RGS6: variants seen among roughly 807,000 people sequenced by gnomAD.
The protein encoded by RGS6 is regulator of G-protein signaling 6.
In RGS6, 30 loss-of-function variants were observed where a neutral mutation model predicts 78.5. The ratio of observed to expected loss-of-function variants is 0.38; its 90% CI spans 0.29 to 0.52. The LOEUF (loss-of-function observed/expected upper bound fraction) is 0.52. Among genes scored for constraint, RGS6 ranks in the 20% least tolerant of loss-of-function variants. The pLI is 0.85. For synonymous variants in RGS6, 206 were observed against 206.0 expected (o/e 1.00, Z 0.00); for missense variants, 495 against 609.7 (o/e 0.81, Z 1.98).
At chr14:72,372,717 G>A (rs879781363) in intron 3 of RGS6, among the ~76,000 whole-genome samples, 1 of 152,190 alleles carries the variant, frequency 6.6e-6, no homozygotes, top group African/African-American at 2.4e-5. Context: ...CAAATGAGGA[G>A]GGCTCCAGGG....
chr14:72,577,418 A>T, the RGS6 span, among the ~76,000 whole-genome samples: 1 of 152,186 alleles, frequency 6.6e-6, no homozygotes, highest in Non-Finnish European at 1.5e-5. Context: ...TCACCAGCTT[A>T]GTGCCGACCA....
intron 3 of RGS6, among the ~76,000 whole-genome samples, chr14:72,377,726 C>A (rs1375512053): frequency 6.6e-6 from 1 of 152,092 alleles, no homozygotes; most frequent in Non-Finnish European, 1.5e-5. Context: ...CACTATAATC[C>A]CAGCACTTTG....
At chr14:72,043,609 C>T (rs929596946) in intron 2 of RGS6, among the ~76,000 whole-genome samples, 1 of 152,188 alleles carries the variant, frequency 6.6e-6, no homozygotes, top group African/African-American at 2.4e-5. Flanking sequence ...CTGCAACTTT[C>T]ATCCTCTATA....
At chr14:72,597,701 C>T in the RGS6 span, among the ~76,000 whole-genome samples, 1 of 152,196 alleles carries the variant, frequency 6.6e-6, no homozygotes, top group Non-Finnish European at 1.5e-5. Flanking sequence ...TCATCTCAAA[C>T]ATTCATCATT....
intron 2 of RGS6, among the ~76,000 whole-genome samples, chr14:72,177,837 T>G (rs1277878196): frequency 6.6e-6 from 1 of 152,206 alleles, no homozygotes; most frequent in Admixed American, 6.5e-5. Flanking sequence ...AAAAGCCCAG[T>G]TTACTTCATG....
chr14:72,253,560 T>C (rs1213076989), intron 2 of RGS6, among the ~76,000 whole-genome samples: 1 of 152,198 alleles, frequency 6.6e-6, no homozygotes, highest in African/African-American at 2.4e-5. Context: ...CCAATAAAAC[T>C]TTATTTACAA....
intron 2 of RGS6, among the ~76,000 whole-genome samples, chr14:72,222,419 G>A (rs1024804020): frequency 6.6e-6 from 1 of 152,208 alleles, no homozygotes; most frequent in Non-Finnish European, 1.5e-5. Context: ...TAAGATTTCA[G>A]CAGTAGCATG....
chr14:72,233,437 T>C (rs2050179732), intron 2 of RGS6, among the ~76,000 whole-genome samples: 1 of 152,192 alleles, frequency 6.6e-6, no homozygotes. Context: ...GTAAATTGTT[T>C]ATGGAATGCA....
chr14:72,094,562 C>T (rs1307755807), intron 2 of RGS6, among the ~76,000 whole-genome samples: 1 of 152,062 alleles, frequency 6.6e-6, no homozygotes, highest in East Asian at 1.9e-4. Context: ...GTCAATTTGT[C>T]CTCTAAATAT....
chr14:72,155,761 A>G, intron 2 of RGS6, among the ~76,000 whole-genome samples: 1 of 152,214 alleles, frequency 6.6e-6, no homozygotes, highest in Admixed American at 6.5e-5. Context: ...CCCTTCTAAT[A>G]TCAGCTGTTT....
intron 2 of RGS6, among the ~76,000 whole-genome samples, chr14:72,230,409 A>C (rs987166848): frequency 1.3e-5 from 2 of 152,202 alleles, no homozygotes; most frequent in Non-Finnish European, 2.9e-5. Context: ...GTGAAAAGAC[A>C]GGAAGGCAGG....
chr14:72,286,134 T>C (rs1470384532), intron 2 of RGS6, among the ~76,000 whole-genome samples: 2 of 152,254 alleles, frequency 1.3e-5, no homozygotes, highest in African/African-American at 4.8e-5. Context: ...CTAGGAATTT[T>C]ATAGTTTCAG....
At chr14:72,502,771 G>A (rs2096745322) in intron 13 of RGS6, among the ~76,000 whole-genome samples, 1 of 105,452 alleles carries the variant, frequency 9.5e-6, no homozygotes, top group African/African-American at 4.5e-5. Context: ...CTCAAGAAAA[G>A]AAAGGAAAAG....
intron 3 of RGS6, among the ~76,000 whole-genome samples, chr14:72,394,611 G>A (rs753673546): frequency 7.9e-5 from 12 of 152,246 alleles, no homozygotes; most frequent in East Asian, 3.9e-4. Flanking sequence ...GCTCTGTTCC[G>A]CCTGGCTCTC....
intron 3 of RGS6, among the ~76,000 whole-genome samples, chr14:72,418,173 T>A (rs894685380): frequency 6.7e-6 from 1 of 148,408 alleles, no homozygotes; most frequent in African/African-American, 2.5e-5. Flanking sequence ...AAAATAAACT[T>A]TTTTTTTTTT....
intron 3 of RGS6, among the ~76,000 whole-genome samples, chr14:72,402,957 C>T (rs147442562): frequency 1.0e-3 from 157 of 152,000 alleles, no homozygotes; most frequent in Admixed American, 2.6e-3. Context: ...CCACCACACC[C>T]AGCTAATCTT....
intron 2 of RGS6, among the ~76,000 whole-genome samples, chr14:72,320,215 G>A (rs977733114): frequency 3.9e-5 from 6 of 152,190 alleles, no homozygotes; most frequent in African/African-American, 7.2e-5. Flanking sequence ...TCATTCAAAT[G>A]TAAAAACAAT....
chr14:72,163,958 T>G (rs1416521968), intron 2 of RGS6, among the ~76,000 whole-genome samples: 1 of 151,900 alleles, frequency 6.6e-6, no homozygotes, highest in Non-Finnish European at 1.5e-5. Context: ...AATGTTTCTG[T>G]TCAAGTATGA....
At chr14:72,521,272 T>G (rs2097034465) in intron 15 of RGS6, among the ~76,000 whole-genome samples, 2 of 152,226 alleles carry the variant, frequency 1.3e-5, no homozygotes, top group Non-Finnish European at 2.9e-5. Context: ...CAGAGCAGTC[T>G]CTAAACCACA....
Sources: gnomAD v4.1 joint callset for allele counts (sites outside exome capture counted in the v4.1 genomes callset) on GRCh38, gnomAD v4.1.1 for gene constraint, MANE v1.5 for transcripts, NCBI Gene and HGNC (gene_info 2026-07-23, HGNC 2026-07-21) for gene names.